Variants in MLLT10 observed in about 807,000 individuals in gnomAD.
MLLT10 encodes MLLT10 histone lysine methyltransferase DOT1L cofactor.
Under a neutral mutation model 129.1 loss-of-function variants are expected in MLLT10, and 30 were observed. The observed-to-expected ratio is 0.23, with a 90% CI of 0.17 to 0.32. The LOEUF is 0.32. MLLT10 is among the 10% of genes least tolerant of loss of function. MLLT10 has a pLI of 1.00. For missense variants in MLLT10, 1,119 were observed against 1,268.3 expected (o/e 0.88, Z 1.79); for synonymous variants, 490 against 446.4 (o/e 1.10, Z -1.23).
In MLLT10 at chr10:21,559,085, ACTT is replaced by A. The variant is rs1195364129; in HGVS notation, c.240+20180_240+20182del. Among the ~76,000 whole-genome samples, 15 of 152,120 alleles carry A rather than the reference ACTT, an allele frequency of 9.9e-5. 1 individual carries two copies. Among genetic ancestry groups the A allele is most frequent in the South Asian group, 4.2e-4 (2 of 4,810 alleles). On this transcript the variant is annotated intron_variant, in intron 3 of 22. Transcript: ENST00000307729. The stretch of plus-strand genomic sequence containing the variant: ...GTGTATATCAGTTTGGGGAGAATGG[ACTT>A]CTTCTTTCTTTTTGAGACAGAATCT...
intron 8 of MLLT10, among the ~76,000 whole-genome samples, chr10:21,645,028 C>T (rs2048348810): frequency 6.6e-6 from 1 of 152,162 alleles, no homozygotes; most frequent in African/African-American, 2.4e-5. Flanking sequence ...TTTCCTGTTT[C>T]TTCCCTGAAG....
chr10:21,587,787 A>G (rs1197629318), intron 4 of MLLT10, among the ~76,000 whole-genome samples: 2 of 152,190 alleles, frequency 1.3e-5, no homozygotes, highest in East Asian at 1.9e-4. Context: ...TCTTCAGACT[A>G]TGTTATACAG....
chr10:21,681,301 C>T (rs773727766), intron 11 of MLLT10, 31 bp from the exon 12 acceptor site: 6 of 1,611,212 alleles, frequency 3.7e-6, no homozygotes, highest in Admixed American at 1.7e-5. Flanking sequence ...GCAATTTCTT[C>T]ACTGATTTCC....
chr10:21,587,306 G>C (rs554276701), intron 4 of MLLT10, among the ~76,000 whole-genome samples: 21 of 151,648 alleles, frequency 1.4e-4, no homozygotes, highest in South Asian at 1.0e-3. Context: ...TGCAGTTCCA[G>C]CTACTTGGGA....
chr10:21,672,657 A>G (rs1057487511), intron 10 of MLLT10, among the ~76,000 whole-genome samples: 1 of 152,148 alleles, frequency 6.6e-6, no homozygotes, highest in Non-Finnish European at 1.5e-5. Context: ...TTCTTTAAAG[A>G]AAGAATAAGC....
chr10:21,621,216 G>T (rs1474030820), intron 8 of MLLT10, among the ~76,000 whole-genome samples: 2 of 131,678 alleles, frequency 1.5e-5, no homozygotes, highest in East Asian at 4.5e-4. Context: ...GGATGGTCTC[G>T]ATCTCCTGAC....
At chr10:21,724,985 G>A (rs2057379506) in intron 14 of MLLT10, among the ~76,000 whole-genome samples, 1 of 152,206 alleles carries the variant, frequency 6.6e-6, no homozygotes, top group Non-Finnish European at 1.5e-5. Flanking sequence ...TGGGGTCAGG[G>A]CAAAGCTGTG....
chr10:21,740,099 CAGCA>C lies in MLLT10; in HGVS notation c.3026_3029del (p.Gln1009ArgfsTer12). Reference sequence around the variant, plus strand: ...CCAGCAGCACCACCAACCTGAACTTCAGCAGCTGCAGATCCCTGGACCAACACAA... The same window carrying C: ...CCAGCAGCACCACCAACCTGAACTTCGCTGCAGATCCCTGGACCAACACAA... On this transcript the variant is annotated frameshift_variant, in exon 22 of 23. Coordinates refer to ENST00000307729, the MANE Select transcript of MLLT10 (RefSeq NM_001195626.3). LOFTEE classifies it high-confidence loss of function. The C allele has an allele frequency of 6.2e-7, 1 of 1,614,114 alleles. No individual in the cohort carries two copies. Among genetic ancestry groups the C allele is most frequent in the Non-Finnish European group, 8.5e-7 (1 of 1,180,016 alleles).
rs141394355 is a variant in MLLT10, at chr10:21,646,494, T to C, written c.700-5179T>C. 3.3e-3 allele frequency among the ~76,000 whole-genome samples: 506 copies of C among 152,178 alleles called. 2 individuals are homozygous for C. The highest frequency in any genetic ancestry group is 0.023 in the East Asian group (121 of 5,172). On this transcript the variant is annotated intron_variant, in intron 8 of 22. Transcript: ENST00000307729. The stretch of plus-strand genomic sequence containing the variant: ...ATTTTGAAAACTTTTTTTTTTTAGG[T>C]TTTGGTTATGTTTTTTTGGGGGGGT...
At chr10:21,595,644 T>G in intron 5 of MLLT10, 1 of 451,254 alleles carries the variant, frequency 2.2e-6, no homozygotes, top group East Asian at 3.1e-5. Context: ...TGTGTTACCT[T>G]TTATAGTAAC....
chr10:21,724,506 A>G (rs1320453880), intron 14 of MLLT10, among the ~76,000 whole-genome samples: 2 of 152,212 alleles, frequency 1.3e-5, no homozygotes, highest in African/African-American at 2.4e-5. Context: ...GAAGTGCTTT[A>G]GTTCTTTGCC....
At chr10:21,543,295 AT>A (rs1356582893) in intron 3 of MLLT10, among the ~76,000 whole-genome samples, 1 of 151,506 alleles carries the variant, frequency 6.6e-6, no homozygotes, top group Non-Finnish European at 1.5e-5. Flanking sequence ...TAATTTTTGT[AT>A]TTTTAGTAGA....
intron 10 of MLLT10, among the ~76,000 whole-genome samples, chr10:21,673,081 A>G (rs751954400): frequency 7.9e-5 from 12 of 152,136 alleles, no homozygotes; most frequent in African/African-American, 2.2e-4. Flanking sequence ...AGCGCATCTT[A>G]TATCTTAATA....
At chr10:21,535,237 T>A (rs369099694) in intron 2 of MLLT10, among the ~76,000 whole-genome samples, 7 of 152,102 alleles carry the variant, frequency 4.6e-5, no homozygotes, top group African/African-American at 1.2e-4. Flanking sequence ...GCCGCCTGTC[T>A]GCCGCAGTGT....
chr10:21,604,140 G>A (rs1251619067), intron 5 of MLLT10, among the ~76,000 whole-genome samples: 1 of 152,136 alleles, frequency 6.6e-6, no homozygotes, highest in Non-Finnish European at 1.5e-5. Flanking sequence ...TAGGTGTGCT[G>A]TATCCCAGTA....
chr10:21,617,073 T>C (rs981416666), intron 7 of MLLT10, 39 bp from the exon 8 acceptor site: 2 of 945,460 alleles, frequency 2.1e-6, no homozygotes, highest in Non-Finnish European at 2.9e-6. Context: ...AAAAGTTTTA[T>C]ATACATATAC....
intron 9 of MLLT10, among the ~76,000 whole-genome samples, chr10:21,653,856 G>A (rs1295124622): frequency 2.0e-5 from 3 of 152,210 alleles, no homozygotes; most frequent in African/African-American, 7.2e-5. Context: ...TGCATATGGA[G>A]TTATTTAAAG....
intron 18 of MLLT10, among the ~76,000 whole-genome samples, chr10:21,733,302 A>C (rs2058098738): frequency 6.6e-6 from 1 of 152,186 alleles, no homozygotes; most frequent in Admixed American, 6.5e-5. Flanking sequence ...TAAATGTCTA[A>C]TGATCTCGTT....
Position 21,624,579 on chromosome 10 carries a change from CCTTA to C in MLLT10, c.699+7376_699+7379del, listed in dbSNP as rs1381264883. 1.3e-5 allele frequency: 17 copies of C among 1,348,844 alleles called. No homozygotes were observed. The African/African-American group carries it at 1.3e-4, about 11-fold the overall frequency. 83.6% of individuals were successfully genotyped at this position (1,348,844 alleles called of 1,614,324 possible). A position where few individuals can be genotyped will look rare whatever the true frequency, so the allele number is the denominator to read the frequency against. Reference sequence around the variant, plus strand: ...TATCTTGCCATTATCATTTTCAAGCCCTTACTTGTCTGCTTCCACTGTTGCCCAT... The same window carrying C: ...TATCTTGCCATTATCATTTTCAAGCCCTTGTCTGCTTCCACTGTTGCCCAT... On this transcript the variant is annotated intron_variant, in intron 8 of 22. Transcript: ENST00000307729.
Sources: allele counts gnomAD v4.1 joint callset (sites outside exome capture counted in the v4.1 genomes callset), GRCh38; gene constraint gnomAD v4.1.1; transcripts MANE v1.5; gene names NCBI Gene and HGNC (gene_info 2026-07-23, HGNC 2026-07-21).